Variants in SLC30A8 observed in about 807,000 individuals in gnomAD.
SLC30A8 encodes solute carrier family 30 member 8, also known as proton-coupled zinc antiporter SLC30A8.
A neutral mutation model predicts 36.9 loss-of-function variants in SLC30A8; 27 were observed. That is an observed-to-expected ratio of 0.73 (90% CI 0.54 to 1.01). The LOEUF is 1.01. Among genes scored for constraint, SLC30A8 ranks in the 50% least tolerant of loss-of-function variants. The probability of loss-of-function intolerance (pLI) is 0.00; values close to 1 mark genes in which losing one functional copy is unlikely to be tolerated. For missense variants in SLC30A8, 439 were observed against 452.0 expected, an observed-to-expected ratio of 0.97 and a Z score of 0.26; for synonymous variants, 164 against 172.4, an observed-to-expected ratio of 0.95 and a Z score of 0.38.
chr8:117,044,922 C>T (rs1410282880), intron 2 of SLC30A8, among the ~76,000 whole-genome samples: 1 of 152,194 alleles, frequency 6.6e-6, no homozygotes, highest in Admixed American at 6.5e-5. Context: ...TCAGAACTAG[C>T]TGCAAATTCC....
At chr8:117,120,361 T>C (rs1164858545) in intron 2 of SLC30A8, among the ~76,000 whole-genome samples, 1 of 151,828 alleles carries the variant, frequency 6.6e-6, no homozygotes, top group Non-Finnish European at 1.5e-5. Flanking sequence ...AAATACATGA[T>C]GGGGAAGGGA....
chr8:117,171,300 C>T, intron 7 of SLC30A8, 132 bp downstream of exon 7: 2 of 1,046,214 alleles, frequency 1.9e-6, no homozygotes, highest in South Asian at 2.8e-5. Context: ...TTTTCTATTA[C>T]CAAGGGCCTT....
chr8:116,999,117 A>G (rs111654152), intron 1 of SLC30A8, among the ~76,000 whole-genome samples: 6,268 of 152,192 alleles, frequency 0.041, 452 homozygotes, highest in African/African-American at 0.14. Flanking sequence ...AAATTAGCCC[A>G]GCATGATGGC....
intron 2 of SLC30A8, among the ~76,000 whole-genome samples, chr8:117,117,686 G>A (rs1820505115): frequency 6.6e-6 from 1 of 151,896 alleles, no homozygotes; most frequent in African/African-American, 2.4e-5. Context: ...GGACTTAAGG[G>A]AGAACTTGCA....
chr8:117,057,377 T>C (rs1817905560), intron 2 of SLC30A8, among the ~76,000 whole-genome samples: 1 of 152,170 alleles, frequency 6.6e-6, no homozygotes, highest in African/African-American at 2.4e-5. Flanking sequence ...ATGAATAAAT[T>C]CTTGGGTCCT....
chr8:117,077,085 A>C (rs1482944345), intron 2 of SLC30A8, among the ~76,000 whole-genome samples: 1 of 152,184 alleles, frequency 6.6e-6, no homozygotes, highest in African/African-American at 2.4e-5. Context: ...GTAGCTCTTG[A>C]TAGACCACCT....
At chr8:116,962,734 T>C (rs1472921142) in intron 1 of SLC30A8, among the ~76,000 whole-genome samples, 1 of 152,024 alleles carries the variant, frequency 6.6e-6, no homozygotes, top group Admixed American at 6.6e-5. Flanking sequence ...CTGCTTTTCA[T>C]GTCTGACACT....
At chr8:116,994,787 C>T (rs1225823174) in intron 1 of SLC30A8, among the ~76,000 whole-genome samples, 3 of 151,994 alleles carry the variant, frequency 2.0e-5, no homozygotes, top group Non-Finnish European at 4.4e-5. Flanking sequence ...TTCCCAAAAG[C>T]GAAGTTAGTC....
At chr8:117,042,280 G>C (rs1163300415) in intron 2 of SLC30A8, among the ~76,000 whole-genome samples, 7 of 152,162 alleles carry the variant, frequency 4.6e-5, no homozygotes, top group Non-Finnish European at 4.4e-5. Flanking sequence ...TCATCTTTCA[G>C]CTTTTCTGGC....
At chr8:117,020,597 G>T (rs1586407290) in intron 1 of SLC30A8, among the ~76,000 whole-genome samples, 1 of 152,156 alleles carries the variant, frequency 6.6e-6, no homozygotes, top group African/African-American at 2.4e-5. Flanking sequence ...CACCATTGCT[G>T]TGAAAAAAAG....
At chr8:117,162,239 C>G (rs1290873051) in intron 5 of SLC30A8, among the ~76,000 whole-genome samples, 1 of 152,190 alleles carries the variant, frequency 6.6e-6, no homozygotes, top group Non-Finnish European at 1.5e-5. Flanking sequence ...ACTTCTGTCC[C>G]AGACACCACA....
intron 1 of SLC30A8, among the ~76,000 whole-genome samples, chr8:117,019,349 C>T (rs1368567758): frequency 6.6e-6 from 1 of 152,222 alleles, no homozygotes; most frequent in African/African-American, 2.4e-5. Flanking sequence ...ATCATTCTGT[C>T]ACAATTTCAT....
intron 2 of SLC30A8, among the ~76,000 whole-genome samples, chr8:117,106,671 G>T (rs1330742505): frequency 1.3e-5 from 2 of 152,084 alleles, no homozygotes; most frequent in African/African-American, 4.8e-5. Flanking sequence ...CCTGTTCTAT[G>T]TCCCCATCTA....
chr8:117,101,173 A>T (rs931306144), intron 2 of SLC30A8, among the ~76,000 whole-genome samples: 1 of 152,200 alleles, frequency 6.6e-6, no homozygotes, highest in Non-Finnish European at 1.5e-5. Context: ...CCCCCAGGAC[A>T]GAAGGATAAG....
chr8:117,098,422 T>A (rs1819560003), intron 2 of SLC30A8, among the ~76,000 whole-genome samples: 1 of 152,182 alleles, frequency 6.6e-6, no homozygotes, highest in Non-Finnish European at 1.5e-5. Flanking sequence ...ATCACTCGTC[T>A]GTCCTACTTT....
At chr8:116,962,002 T>G (rs1303110983) in intron 1 of SLC30A8, among the ~76,000 whole-genome samples, 2 of 151,988 alleles carry the variant, frequency 1.3e-5, no homozygotes, top group African/African-American at 4.8e-5. Flanking sequence ...CACATTCAAA[T>G]CACAGCAGTC....
chr8:117,061,618 T>G (rs2130786065), intron 2 of SLC30A8, among the ~76,000 whole-genome samples: 1 of 152,334 alleles, frequency 6.6e-6, no homozygotes, highest in South Asian at 2.1e-4. Context: ...GACAATGACC[T>G]TCTTCTAGTT....
intron 1 of SLC30A8, among the ~76,000 whole-genome samples, chr8:117,029,756 G>T (rs1040235290): frequency 6.6e-6 from 1 of 152,168 alleles, no homozygotes; most frequent in Non-Finnish European, 1.5e-5. Context: ...CCTGTACAGA[G>T]TTTTTGTGTT....
At chr8:117,133,775 A>G (rs898109886), upstream of SLC30A8, among the ~76,000 whole-genome samples, 7 of 151,962 alleles carry the variant, frequency 4.6e-5, no homozygotes, top group Non-Finnish European at 1.0e-4. Flanking sequence ...TTACTTTGTA[A>G]GGTTAAGAGT....
Sources: allele counts gnomAD v4.1 joint callset (sites outside exome capture counted in the v4.1 genomes callset), GRCh38; gene constraint gnomAD v4.1.1; transcripts MANE v1.5; gene names NCBI Gene and HGNC (gene_info 2026-07-23, HGNC 2026-07-21).